Variants in DDR2 observed in about 807,000 individuals in gnomAD.
The protein encoded by DDR2 is discoidin domain receptor tyrosine kinase 2.
Under a neutral mutation model 94.9 loss-of-function variants are expected in DDR2, and 27 were observed. That is an observed-to-expected ratio of 0.28 (90% confidence interval 0.21 to 0.39). The LOEUF (loss-of-function observed/expected upper bound fraction) is 0.39. Ranked by LOEUF, DDR2 falls within the 10% of genes least tolerant of loss-of-function variation. The probability of loss-of-function intolerance (pLI) is 1.00; values close to 1 mark genes in which losing one functional copy is unlikely to be tolerated. For synonymous variants in DDR2, 382 were observed against 377.2 expected (o/e 1.01, Z -0.15); for missense variants, 783 against 1,076.0 (o/e 0.73, Z 3.81).
chr1:162,702,537 G>A (rs1660477898), intron 2 of DDR2, among the ~76,000 whole-genome samples: 1 of 152,164 alleles, frequency 6.6e-6, no homozygotes, highest in Non-Finnish European at 1.5e-5. Context: ...GAGTCTTTGA[G>A]TATGTAGTCT....
chr1:162,768,153 T>C (rs1211429311), intron 11 of DDR2, among the ~76,000 whole-genome samples: 1 of 152,232 alleles, frequency 6.6e-6, no homozygotes, highest in Non-Finnish European at 1.5e-5. Flanking sequence ...TTCCAATTGT[T>C]AATATTGAAA....
intron 3 of DDR2, among the ~76,000 whole-genome samples, chr1:162,730,555 A>G (rs182831790): frequency 9.8e-5 from 15 of 152,324 alleles, no homozygotes; most frequent in South Asian, 6.2e-4. Context: ...ATGTACAGGT[A>G]TTGCTAACTT....
chr1:162,748,178 A>C (rs1421182311), intron 3 of DDR2, among the ~76,000 whole-genome samples: 1 of 152,250 alleles, frequency 6.6e-6, no homozygotes, highest in Non-Finnish European at 1.5e-5. Context: ...AATGGGCTAA[A>C]TGCTCCAATT....
chr1:162,649,219 G>T (rs1175489400), intron 1 of DDR2, among the ~76,000 whole-genome samples: 1 of 152,148 alleles, frequency 6.6e-6, no homozygotes, highest in Non-Finnish European at 1.5e-5. Flanking sequence ...ATGTCCCACA[G>T]TCTTTAATAT....
intron 3 of DDR2, 103 bp downstream of exon 3, chr1:162,719,248 G>A: frequency 1.3e-6 from 2 of 1,579,452 alleles, no homozygotes; most frequent in Non-Finnish European, 1.7e-6. Flanking sequence ...GGACTACAAA[G>A]CTCTTTCTTT....
intron 2 of DDR2, among the ~76,000 whole-genome samples, chr1:162,714,728 T>G (rs1661080745): frequency 6.6e-6 from 1 of 152,202 alleles, no homozygotes; most frequent in South Asian, 2.1e-4. Flanking sequence ...TTCATTTACT[T>G]GTTTTCTTAT....
At chr1:162,766,584 T>TA (rs1663998306) in intron 10 of DDR2, among the ~76,000 whole-genome samples, 1 of 152,122 alleles carries the variant, frequency 6.6e-6, no homozygotes, top group African/African-American at 2.4e-5. Flanking sequence ...CCTCACCTGT[T>TA]TTTCATGAGG....
chr1:162,716,982 A>G (rs1661193728), intron 2 of DDR2, among the ~76,000 whole-genome samples: 2 of 152,016 alleles, frequency 1.3e-5, no homozygotes, highest in South Asian at 4.1e-4. Flanking sequence ...ATTGCATCCA[A>G]TGCTTGCTTG....
chr1:162,679,844 G>C (rs546185278), intron 2 of DDR2, among the ~76,000 whole-genome samples: 1 of 151,614 alleles, frequency 6.6e-6, no homozygotes, highest in African/African-American at 2.4e-5. Context: ...GTATGAGATG[G>C]TATCTTATTA....
At chr1:162,776,650 CTTAAT>C (rs1647572834) in intron 16 of DDR2, among the ~76,000 whole-genome samples, 2 of 151,998 alleles carry the variant, frequency 1.3e-5, no homozygotes, top group Admixed American at 6.5e-5. Flanking sequence ...AGTGATTGTT[CTTAAT>C]TTAAGATATT....
chr1:162,710,367 G>A (rs189193052), intron 2 of DDR2, among the ~76,000 whole-genome samples: 337 of 152,272 alleles, frequency 2.2e-3, no homozygotes, highest in African/African-American at 7.6e-3. Context: ...TCCACACTGA[G>A]GGGCTGCATT....
intron 4 of DDR2, 146 bp downstream of exon 4, chr1:162,753,343 C>T: frequency 1.3e-6 from 1 of 742,114 alleles, no homozygotes; most frequent in South Asian, 1.5e-5. Flanking sequence ...TGGGCCTGTC[C>T]TGCTCTGTAT....
At chr1:162,684,123 C>G (rs1487307091) in intron 2 of DDR2, among the ~76,000 whole-genome samples, 1 of 152,156 alleles carries the variant, frequency 6.6e-6, no homozygotes, top group African/African-American at 2.4e-5. Context: ...CAGAAAAGCT[C>G]TAGACTCAGA....
At position 162,782,126 on chromosome 1, in the gene DDR2, C is replaced by G. The variant is rs1647935312; in HGVS notation, c.*1880C>G. The G allele has an allele frequency of 6.6e-6, 1 of 152,218 alleles. No individual in the cohort carries two copies. The highest frequency in any genetic ancestry group is 6.5e-5 in the Admixed American group (1 of 15,282). The allele number at this position is 152,218 out of a possible 1,614,324, so 9.4% of individuals were successfully genotyped here. The stretch of plus-strand genomic sequence containing the variant: ...GTGGAGAAATCATTGGTTTGAGAGT[C>G]AAGAGAGCATTGGTTTGGGAGCTTT... On this transcript the variant is annotated 3_prime_UTR_variant, in exon 18 of 18. Transcript: ENST00000367921.
chr1:162,780,085 T>C (rs1345026396), intron 17 of DDR2, 27 bp from the exon 18 acceptor site: 1 of 1,613,692 alleles, frequency 6.2e-7, no homozygotes, highest in South Asian at 1.1e-5. Context: ...CTCTCTCTTT[T>C]GTTTTCCTTT....
At chr1:162,766,279 A>G (rs1305478981) in intron 10 of DDR2, among the ~76,000 whole-genome samples, 1 of 152,218 alleles carries the variant, frequency 6.6e-6, no homozygotes, top group Non-Finnish European at 1.5e-5. Flanking sequence ...CAGCTGAGGC[A>G]GAGTCTGGAG....
At chr1:162,776,871 T>C (rs917926489) in intron 16 of DDR2, among the ~76,000 whole-genome samples, 1 of 152,168 alleles carries the variant, frequency 6.6e-6, no homozygotes, top group Non-Finnish European at 1.5e-5. Context: ...GAGTAATTTT[T>C]CCCAAATATC....
chr1:162,714,470 A>G (rs1017142981), intron 2 of DDR2, among the ~76,000 whole-genome samples: 1 of 152,190 alleles, frequency 6.6e-6, no homozygotes, highest in South Asian at 2.1e-4. Flanking sequence ...TGAAAAGGCT[A>G]CTAAAGCATC....
chr1:162,719,269 A>C, intron 3 of DDR2, 124 bp downstream of exon 3: 35 of 1,525,138 alleles, frequency 2.3e-5, no homozygotes, highest in South Asian at 3.6e-5. Context: ...TTAAATCTCC[A>C]TGGTGAAATA....
Sources: allele counts gnomAD v4.1 joint callset (sites outside exome capture counted in the v4.1 genomes callset), GRCh38; gene constraint gnomAD v4.1.1; transcripts MANE v1.5; gene names NCBI Gene and HGNC (gene_info 2026-07-23, HGNC 2026-07-21).